The following BOLL variants were observed in gnomAD, a reference collection of about 807,000 sequenced individuals.
The protein encoded by BOLL is protein boule-like.
A neutral mutation model predicts 44.4 loss-of-function variants in BOLL; 23 were observed. The observed-to-expected ratio is 0.52, with a 90% CI of 0.37 to 0.73. The LOEUF is 0.73. Ranked by LOEUF, BOLL falls within the 30% of genes least tolerant of loss-of-function variation. The pLI, the probability that BOLL is intolerant of heterozygous loss-of-function variation, is 0.00. For synonymous variants in BOLL, 97 were observed against 110.8 expected, an observed-to-expected ratio of 0.88 and a Z score of 0.78; for missense variants, 287 against 338.3, an observed-to-expected ratio of 0.85 and a Z score of 1.19.
intron 10 of BOLL, among the ~76,000 whole-genome samples, chr2:197,729,421 TAAAC>T (rs969706298): frequency 6.6e-6 from 1 of 151,946 alleles, no homozygotes; most frequent in African/African-American, 2.4e-5. Context: ...CTTGATTAGG[TAAAC>T]AAAGCAGCTG....
intron 7 of BOLL, among the ~76,000 whole-genome samples, chr2:197,761,762 T>C (rs1252651132): frequency 6.6e-6 from 1 of 152,174 alleles, no homozygotes; most frequent in Non-Finnish European, 1.5e-5. Context: ...TGGAAAGACA[T>C]GTTTCATGCA....
chr2:197,729,381 C>T (rs897601905), intron 10 of BOLL, among the ~76,000 whole-genome samples: 1 of 152,178 alleles, frequency 6.6e-6, no homozygotes, highest in Non-Finnish European at 1.5e-5. Context: ...GGCAGCGAGG[C>T]TGGGGGAGGG....
intron 10 of BOLL, among the ~76,000 whole-genome samples, chr2:197,737,355 T>C (rs543843724): frequency 2.6e-4 from 40 of 152,204 alleles, no homozygotes; most frequent in African/African-American, 9.4e-4. Flanking sequence ...TTGATTCTCC[T>C]TACTGTCCTT....
In BOLL at chr2:197,766,691, G is replaced by C. The variant is rs554475828; in HGVS notation, c.481-88C>G. On this transcript the variant is annotated intron_variant, in intron 6 of 10. Coordinates refer to ENST00000392296, the MANE Select transcript of BOLL (RefSeq NM_033030.6). ...TATCTCAAATTATTACCTAAACCCA[G>C]TAAACTTCTGGTTTATGATTAGAAA... The C allele has an allele frequency of 2.0e-4, 183 of 908,014 alleles. No individual in the cohort carries two copies. In the African/African-American group the frequency reaches 2.8e-3, roughly 14 times the overall value. 56.2% of individuals were successfully genotyped at this position (908,014 alleles called of 1,614,324 possible).
chr2:197,746,363 T>G (rs959005456), intron 9 of BOLL, among the ~76,000 whole-genome samples: 1 of 152,198 alleles, frequency 6.6e-6, no homozygotes, highest in African/African-American at 2.4e-5. Flanking sequence ...CACTCCAGCA[T>G]TATTGATAAT....
At chr2:197,746,575 C>T (rs1687992319) in intron 9 of BOLL, among the ~76,000 whole-genome samples, 1 of 152,138 alleles carries the variant, frequency 6.6e-6, no homozygotes, top group South Asian at 2.1e-4. Flanking sequence ...CATGATTTCA[C>T]TTATGTGCAG....
At chr2:197,773,940 T>C (rs1689386567) in intron 5 of BOLL, 3 of 406,570 alleles carry the variant, frequency 7.4e-6, no homozygotes, top group Middle Eastern at 3.8e-4. Flanking sequence ...TGGAAAGAAA[T>C]GACAGATCTA....
intron 7 of BOLL, chr2:197,758,912 C>G: frequency 6.6e-7 from 1 of 1,522,994 alleles, no homozygotes; most frequent in Non-Finnish European, 8.8e-7. Context: ...CTTTTTAGAT[C>G]TAAATGTTAG....
intron 10 of BOLL, among the ~76,000 whole-genome samples, chr2:197,739,328 C>T (rs1687634920): frequency 6.6e-6 from 1 of 152,098 alleles, no homozygotes; most frequent in South Asian, 2.1e-4. Context: ...GTGGCGTGAT[C>T]ATAGCTCACT....
At chr2:197,743,280 C>A in intron 9 of BOLL, 121 bp from the exon 10 acceptor site, 1 of 579,584 alleles carries the variant, frequency 1.7e-6, no homozygotes, top group Non-Finnish European at 2.8e-6. Context: ...AAAACACATG[C>A]CCTTATGTTT....
At chr2:197,742,753 A>T (rs1385965075) in intron 10 of BOLL, among the ~76,000 whole-genome samples, 1 of 152,174 alleles carries the variant, frequency 6.6e-6, no homozygotes, top group African/African-American at 2.4e-5. Context: ...AACATGGCAC[A>T]TGTATACATA....
intron 10 of BOLL, among the ~76,000 whole-genome samples, chr2:197,730,000 C>A (rs1235656241): frequency 6.6e-6 from 1 of 150,930 alleles, no homozygotes; most frequent in Admixed American, 6.6e-5. Flanking sequence ...AGGCTTCAGA[C>A]GATCAAATTA....
intron 7 of BOLL, among the ~76,000 whole-genome samples, chr2:197,759,318 C>T (rs930850500): frequency 8.5e-5 from 13 of 152,168 alleles, no homozygotes; most frequent in Middle Eastern, 3.4e-3. Flanking sequence ...AGCAGAAGAT[C>T]CCCACCAGCC....
chr2:197,786,180 C>G, upstream of BOLL: 4 of 890,580 alleles, frequency 4.5e-6, no homozygotes, highest in Non-Finnish European at 6.4e-6. This position sits in a 1 kb window ranked among gnomAD's most constrained non-coding sequence, Gnocchi z 5.9. Flanking sequence ...GAACCTGCCA[C>G]CTGGCGGGTG....
Position 197,778,976 on chromosome 2 carries a change from C to G in BOLL, c.220G>C (p.Gly74Arg). Residue 74 changes from glycine to arginine, a missense_variant and splice_region_variant, in exon 3 of 11, where the codon GGG (glycine) becomes CGG (arginine). Physicochemically the swap from Gly to Arg is moderately radical, Grantham distance 125. Transcript: ENST00000392296. ...TAGACAATCTATAGTGATACTAACC[C>G]TTTGGATACTCCAGCTCTGTCATTT... is the stretch of plus-strand genomic sequence containing the variant. Reference protein sequence around the residue: ...IVNDRAGVSKGYGFVTFETQE... With the variant: ...IVNDRAGVSKRYGFVTFETQE... 1 of 1,607,480 alleles carries G rather than the reference C, an allele frequency of 6.2e-7. No individual in the cohort carries two copies. The highest frequency in any genetic ancestry group is 8.5e-7 in the Non-Finnish European group (1 of 1,175,600).
At position 197,777,265 on chromosome 2, in the gene BOLL, A is replaced by T. The variant is rs561671635; in HGVS notation, c.222-152T>A. 3 of 429,500 alleles carry T rather than the reference A, an allele frequency of 7.0e-6. No individual in the cohort carries two copies. The East Asian group carries it at 1.2e-4, about 17-fold the overall frequency. The allele number at this position is 429,500 out of a possible 1,614,324, so 26.6% of individuals were successfully genotyped here. On this transcript the variant is annotated intron_variant, in intron 3 of 10. Transcript: ENST00000392296. ...TGCACTAGCATGGGAATCTTAGAAG[A>T]ATCATTCACAGCCTAACACTGTCAC...
chr2:197,775,802 A>G, intron 4 of BOLL, 62 bp from the exon 5 acceptor site: 2 of 966,726 alleles, frequency 2.1e-6, no homozygotes, highest in Non-Finnish European at 3.0e-6. Context: ...AAAATCAATA[A>G]GGAAAAACTA....
chr2:197,784,162 G>A (rs889201300), intron 1 of BOLL, among the ~76,000 whole-genome samples: 1 of 151,446 alleles, frequency 6.6e-6, no homozygotes, highest in African/African-American at 2.4e-5. Flanking sequence ...TCTAACATAC[G>A]ATATAGTTTA....
At chr2:197,749,377 C>T (rs778563040) in intron 9 of BOLL, among the ~76,000 whole-genome samples, 16 of 152,030 alleles carry the variant, frequency 1.1e-4, no homozygotes, top group Non-Finnish European at 1.9e-4. Context: ...CAAAACTGGA[C>T]GGAGAATGAG....
Sources: gnomAD v4.1 joint callset for allele counts (sites outside exome capture counted in the v4.1 genomes callset) on GRCh38, gnomAD v4.1.1 for gene constraint, Gnocchi (gnomAD v3.1) non-coding constraint, MANE v1.5 for transcripts, NCBI Gene and HGNC (gene_info 2026-07-23, HGNC 2026-07-21) for gene names.